CES5A: variants seen among roughly 807,000 people sequenced by gnomAD.
The protein encoded by CES5A is carboxylesterase 5A.
In CES5A, 67 loss-of-function variants were observed where a neutral mutation model predicts 62.9. The ratio of observed to expected loss-of-function variants is 1.07; its 90% CI spans 0.88 to 1.31. CES5A has a LOEUF of 1.31. Among genes scored for constraint, CES5A ranks in the 50% most tolerant of loss-of-function variants. The pLI is 0.00. For missense variants in CES5A, 748 were observed against 708.5 expected (o/e 1.06, Z -0.63); for synonymous variants, 296 against 280.8 (o/e 1.05, Z -0.54).
At chr16:55,888,005 G>T (rs188126674) in intron 1 of CES5A, among the ~76,000 whole-genome samples, 1 of 152,150 alleles carries the variant, frequency 6.6e-6, no homozygotes, top group South Asian at 2.1e-4. Context: ...CAAGGGTCTG[G>T]TGATACCTGG....
intron 2 of CES5A, among the ~76,000 whole-genome samples, chr16:55,937,040 C>T (rs1476920354): frequency 6.6e-6 from 1 of 152,120 alleles, no homozygotes; most frequent in Non-Finnish European, 1.5e-5. Flanking sequence ...GATACTATCA[C>T]GAAGAGCAGA....
intron 1 of CES5A, among the ~76,000 whole-genome samples, chr16:55,955,602 C>G (rs867612926): frequency 6.6e-6 from 1 of 152,210 alleles, no homozygotes; most frequent in Non-Finnish European, 1.5e-5. Flanking sequence ...CCAGTATGGC[C>G]TCTCTAAGAC....
chr16:55,921,065 ACACT>A (rs1471956996), intron 1 of CES5A, among the ~76,000 whole-genome samples: 2 of 152,232 alleles, frequency 1.3e-5, no homozygotes, highest in African/African-American at 4.8e-5. Flanking sequence ...TTGAAAATAC[ACACT>A]CAGAGAAGAA....
intron 2 of CES5A, among the ~76,000 whole-genome samples, chr16:55,931,150 T>C (rs2034307380): frequency 6.6e-6 from 1 of 152,228 alleles, no homozygotes; most frequent in South Asian, 2.1e-4. Context: ...CTTTTTCCAC[T>C]CCACCCTCTG....
intron 1 of CES5A, among the ~76,000 whole-genome samples, chr16:55,903,108 G>T (rs10400950): frequency 6.6e-6 from 1 of 151,556 alleles, no homozygotes; most frequent in Admixed American, 6.6e-5. Context: ...ACCAGGACTC[G>T]TTAGTCTAAA....
chr16:55,921,860 C>T (rs1190488724), intron 1 of CES5A, among the ~76,000 whole-genome samples: 7 of 151,548 alleles, frequency 4.6e-5, no homozygotes, highest in African/African-American at 1.7e-4. Context: ...TAAGTTGAGA[C>T]AAATAAAAGT....
At chr16:55,908,344 G>GTTGT (rs3068646) in intron 1 of CES5A, among the ~76,000 whole-genome samples, 40,334 of 150,826 alleles carry the variant, frequency 0.27, 5,691 homozygotes, top group African/African-American at 0.35. Flanking sequence ...CAGTTTTGTT[G>GTTGT]TTGTTTGTTT....
At position 55,849,545 on chromosome 16, in the gene CES5A, G is replaced by A. The variant is rs184589017; in HGVS notation, c.1423+79C>T. 3.7e-5 allele frequency: 55 copies of A among 1,505,656 alleles called. 1 individual carries two copies. The East Asian group carries it at 6.9e-4, about 19-fold the overall frequency. The allele number at this position is 1,505,656 out of a possible 1,614,324, so 93.3% of individuals were successfully genotyped here. A position where few individuals can be genotyped will look rare whatever the true frequency, so the allele number is the denominator to read the frequency against. ...ACAGAGGTAATTAAATGCCAACCCC[G>A]AAGTCCTCCAGGCGCTTGCATCGTG... On this transcript the variant is annotated intron_variant, in intron 11 of 12. Coordinates refer to ENST00000290567, the MANE Select transcript of CES5A (RefSeq NM_001143685.2).
intron 10 of CES5A, among the ~76,000 whole-genome samples, chr16:55,850,419 C>A (rs1202796177): frequency 1.3e-5 from 2 of 152,224 alleles, no homozygotes; most frequent in African/African-American, 4.8e-5. Flanking sequence ...CACAATTCTA[C>A]TTTCTGTGTC....
At chr16:55,889,268 T>C (rs143830741) in intron 1 of CES5A, among the ~76,000 whole-genome samples, 5 of 152,298 alleles carry the variant, frequency 3.3e-5, no homozygotes, top group Non-Finnish European at 7.4e-5. Context: ...TATCTTCTAA[T>C]GCAATTCAGT....
upstream of CES5A, chr16:55,925,520 C>T (rs902825850): frequency 6.6e-6 from 1 of 151,920 alleles, no homozygotes; most frequent in African/African-American, 2.4e-5. Flanking sequence ...GGTATATGTC[C>T]AAAACAAAGC....
At chr16:55,937,572 T>A (rs1015417260) in intron 2 of CES5A, among the ~76,000 whole-genome samples, 2 of 152,190 alleles carry the variant, frequency 1.3e-5, no homozygotes, top group Non-Finnish European at 2.9e-5. Flanking sequence ...GACTGCCAGT[T>A]GGCTGAGTGA....
intron 2 of CES5A, among the ~76,000 whole-genome samples, chr16:55,939,661 A>G (rs1246809479): frequency 6.6e-6 from 1 of 152,140 alleles, no homozygotes; most frequent in Non-Finnish European, 1.5e-5. Context: ...AACACCATCA[A>G]CAAATAAGAC....
rs1032936877 is a variant in CES5A, at chr16:55,902,110, C to T, written c.-256+23213G>A. On this transcript the variant is annotated intron_variant, in intron 1 of 12. Coordinates refer to the CES5A transcript ENST00000518005. Reference sequence around the variant, plus strand: ...GCTTTGATCCTTCTGCCGAAAGCCACCAAAGATTTTCCATGTCCTCTCCTC... The same window carrying T: ...GCTTTGATCCTTCTGCCGAAAGCCATCAAAGATTTTCCATGTCCTCTCCTC... Among the ~76,000 whole-genome samples the T allele has an allele frequency of 2.6e-5, 4 of 152,278 alleles. No homozygotes were observed. In the South Asian group the frequency reaches 6.2e-4, roughly 24 times the overall value.
chr16:55,877,618 C>T (rs1567337787), upstream of CES5A, among the ~76,000 whole-genome samples: 1 of 152,134 alleles, frequency 6.6e-6, no homozygotes, highest in East Asian at 1.9e-4. Flanking sequence ...TGTCGCAGGC[C>T]CCTAATGCAC....
At chr16:55,854,380 G>A (rs1251202054) in intron 9 of CES5A, among the ~76,000 whole-genome samples, 3 of 151,664 alleles carry the variant, frequency 2.0e-5, no homozygotes, top group East Asian at 1.9e-4. Flanking sequence ...TCTTCTCCAT[G>A]AGGCCATCTC....
intron 2 of CES5A, among the ~76,000 whole-genome samples, chr16:55,931,430 C>G (rs1314034417): frequency 2.0e-5 from 3 of 152,228 alleles, no homozygotes; most frequent in African/African-American, 4.8e-5. Flanking sequence ...CAGTCAATGA[C>G]AGCCTACTGA....
At chr16:55,853,094 C>T (rs2033165653) in intron 9 of CES5A, 66 bp from the exon 10 acceptor site, 2 of 1,527,216 alleles carry the variant, frequency 1.3e-6, no homozygotes, top group Non-Finnish European at 1.8e-6. Flanking sequence ...TAAACACTCA[C>T]CTGTGCAGGT....
intron 1 of CES5A, among the ~76,000 whole-genome samples, chr16:55,910,766 C>T (rs2034084775): frequency 6.6e-6 from 1 of 152,154 alleles, no homozygotes; most frequent in South Asian, 2.1e-4. Flanking sequence ...AGGAGCTATG[C>T]CTACATCCCC....
Sources: gnomAD v4.1 joint callset for allele counts (sites outside exome capture counted in the v4.1 genomes callset) on GRCh38, gnomAD v4.1.1 for gene constraint, MANE v1.5 for transcripts, NCBI Gene and HGNC (gene_info 2026-07-23, HGNC 2026-07-21) for gene names.